The following CHIC2 variants were observed in gnomAD, a reference collection of about 807,000 sequenced individuals.
CHIC2 encodes cysteine-rich hydrophobic domain-containing protein 2.
A neutral mutation model predicts 25.9 loss-of-function variants in CHIC2; 14 were observed. The observed-to-expected ratio is 0.54, with a 90% CI of 0.36 to 0.85. The LOEUF (loss-of-function observed/expected upper bound fraction) is 0.85. CHIC2 is among the 40% of genes least tolerant of loss of function. The pLI, the probability that CHIC2 is intolerant of heterozygous loss-of-function variation, is 0.01. For synonymous variants in CHIC2, 70 were observed against 72.0 expected, an observed-to-expected ratio of 0.97 and a Z score of 0.14; for missense variants, 146 against 202.0, an observed-to-expected ratio of 0.72 and a Z score of 1.68.
intron 3 of CHIC2, among the ~76,000 whole-genome samples, chr4:54,029,581 C>A (rs1716162019): frequency 1.3e-5 from 2 of 152,192 alleles, no homozygotes; most frequent in Admixed American, 6.5e-5. Flanking sequence ...ATTCTCACTT[C>A]ACTAGAATTT....
intron 3 of CHIC2, among the ~76,000 whole-genome samples, chr4:54,033,949 C>A (rs1395268182): frequency 6.6e-6 from 1 of 151,798 alleles, no homozygotes; most frequent in Non-Finnish European, 1.5e-5. Flanking sequence ...GGTTCTCCAA[C>A]TTTGTATTCC....
intron 3 of CHIC2, among the ~76,000 whole-genome samples, chr4:54,018,507 T>A (rs1317791823): frequency 6.6e-6 from 1 of 151,974 alleles, no homozygotes; most frequent in African/African-American, 2.4e-5. Flanking sequence ...TACTTAAGAG[T>A]TTCCTAATTC....
chr4:54,058,310 C>A (rs771510583), intron 1 of CHIC2, among the ~76,000 whole-genome samples: 2 of 152,020 alleles, frequency 1.3e-5, no homozygotes, highest in Non-Finnish European at 2.9e-5. Flanking sequence ...TTATCTCTTT[C>A]GCAGATGAAA....
At chr4:54,085,493 T>G in the CHIC2 span, among the ~76,000 whole-genome samples, 1 of 152,178 alleles carries the variant, frequency 6.6e-6, no homozygotes, top group Admixed American at 6.5e-5. Flanking sequence ...AGTAATACAA[T>G]GACTAAGACA....
chr4:54,053,831 T>C (rs1717082484), intron 1 of CHIC2, among the ~76,000 whole-genome samples: 1 of 152,108 alleles, frequency 6.6e-6, no homozygotes, highest in South Asian at 2.1e-4. Context: ...CGCTTTGTTG[T>C]TCAGGCTGGA....
chr4:54,027,324 G>A (rs1429245936), intron 3 of CHIC2, among the ~76,000 whole-genome samples: 1 of 152,142 alleles, frequency 6.6e-6, no homozygotes, highest in African/African-American at 2.4e-5. Context: ...TCTTTACAGT[G>A]CTACCTCTGC....
chr4:54,051,295 C>G (rs1044451785), intron 1 of CHIC2, among the ~76,000 whole-genome samples: 1 of 152,082 alleles, frequency 6.6e-6, no homozygotes, highest in Non-Finnish European at 1.5e-5. Flanking sequence ...CTTGCCAACC[C>G]AGGTTCAATT....
At chr4:54,068,686 G>A (rs149492982), upstream of CHIC2, among the ~76,000 whole-genome samples, 1 of 152,180 alleles carries the variant, frequency 6.6e-6, no homozygotes, top group Non-Finnish European at 1.5e-5. Flanking sequence ...AGATGTGTTG[G>A]GGGGTTTTCT....
At chr4:54,055,265 T>C (rs781773721) in intron 1 of CHIC2, among the ~76,000 whole-genome samples, 30 of 152,080 alleles carry the variant, frequency 2.0e-4, no homozygotes, top group Non-Finnish European at 3.5e-4. Flanking sequence ...CATGCCACCA[T>C]AACTGACTTA....
At chr4:54,045,755 T>G (rs1361640257) in intron 3 of CHIC2, among the ~76,000 whole-genome samples, 1 of 152,124 alleles carries the variant, frequency 6.6e-6, no homozygotes, top group East Asian at 1.9e-4. Context: ...AGGGATGCCC[T>G]CTCTCACCAC....
At chr4:54,047,126 G>C (rs374903930) in intron 3 of CHIC2, among the ~76,000 whole-genome samples, 1 of 152,108 alleles carries the variant, frequency 6.6e-6, no homozygotes, top group African/African-American at 2.4e-5. Context: ...TTAGAATGGC[G>C]ATCATTAAAA....
intron 3 of CHIC2, among the ~76,000 whole-genome samples, chr4:54,043,089 C>A (rs552134863): frequency 6.6e-5 from 10 of 152,124 alleles, no homozygotes; most frequent in East Asian, 3.9e-4. Context: ...GGAGGGCAGA[C>A]TGCTTGAGTC....
In CHIC2 at chr4:54,049,020, C is replaced by T. The variant is rs1321106008; in HGVS notation, c.265G>A (p.Gly89Ser). Residue 89 changes from glycine to serine, a missense_variant, in exon 3 of 6, where the codon GGC (glycine) becomes AGC (serine). Transcript: ENST00000263921. ...LPVNVRWLLC[G>S]CLCCCCTLGC... ...AATGTGCAGCAGCAACAAAGGCAGC[C>T]ACAAAGTAGCCAACGTACATTAACA... 6.2e-7 allele frequency: 1 copy of T among 1,610,046 alleles called. No homozygotes were observed. Among genetic ancestry groups the T allele is most frequent in the Non-Finnish European group, 8.5e-7 (1 of 1,177,832 alleles).
At chr4:54,014,204 G>T in intron 3 of CHIC2, 85 bp from the exon 4 acceptor site, 2 of 1,098,386 alleles carry the variant, frequency 1.8e-6, no homozygotes, top group Non-Finnish European at 2.7e-6. Context: ...GAAAAGGGGA[G>T]AGGTATAAGA....
At chr4:54,057,598 G>A (rs1044685573) in intron 1 of CHIC2, among the ~76,000 whole-genome samples, 9 of 152,034 alleles carry the variant, frequency 5.9e-5, no homozygotes, top group African/African-American at 2.2e-4. Context: ...GATAAAATTT[G>A]TCTATTAGCT....
intron 3 of CHIC2, among the ~76,000 whole-genome samples, chr4:54,016,239 G>C (rs990940326): frequency 4.0e-5 from 6 of 151,804 alleles, no homozygotes; most frequent in African/African-American, 1.5e-4. Flanking sequence ...ATTACTTAAA[G>C]AAAAAAATGT....
intron 3 of CHIC2, among the ~76,000 whole-genome samples, chr4:54,023,928 G>C (rs911136479): frequency 6.6e-6 from 1 of 152,142 alleles, no homozygotes; most frequent in Admixed American, 6.5e-5. Flanking sequence ...TCTTCTCAAG[G>C]CCGCTTTACT....
intron 1 of CHIC2, among the ~76,000 whole-genome samples, chr4:54,052,612 T>C (rs1232141822): frequency 1.3e-5 from 2 of 152,040 alleles, no homozygotes; most frequent in Non-Finnish European, 2.9e-5. Flanking sequence ...ATTCTACTAA[T>C]CCAAAAAGCC....
the CHIC2 span, among the ~76,000 whole-genome samples, chr4:54,078,900 C>A: frequency 6.6e-5 from 10 of 152,012 alleles, no homozygotes. Flanking sequence ...TATATACTTT[C>A]TTTTCCATGT....
Sources: allele counts gnomAD v4.1 joint callset (sites outside exome capture counted in the v4.1 genomes callset), GRCh38; gene constraint gnomAD v4.1.1; transcripts MANE v1.5; gene names NCBI Gene and HGNC (gene_info 2026-07-23, HGNC 2026-07-21).